LRRIQ3: variants seen among roughly 807,000 people sequenced by gnomAD.
The protein encoded by LRRIQ3 is leucine rich repeats and IQ motif containing 3, also known as leucine-rich repeat and IQ domain-containing protein 3.
Under a neutral mutation model 59.3 loss-of-function variants are expected in LRRIQ3, and 75 were observed. The observed-to-expected ratio is 1.26, with a 90% CI of 1.05 to 1.53. LRRIQ3 has a LOEUF of 1.53. LRRIQ3 is among the 40% of genes most tolerant of loss of function. LRRIQ3 has a pLI of 0.00. For missense variants in LRRIQ3, 831 were observed against 710.0 expected (o/e 1.17, Z -1.94); for synonymous variants, 250 against 231.3 (o/e 1.08, Z -0.73).
chr1:74,042,289 C>G (rs1342190894), intron 6 of LRRIQ3, among the ~76,000 whole-genome samples: 2 of 151,896 alleles, frequency 1.3e-5, no homozygotes, highest in African/African-American at 4.8e-5. Context: ...TTTAATTAAG[C>G]AAAGAATAAT....
chr1:74,084,636 C>T (rs1418388335), intron 5 of LRRIQ3, among the ~76,000 whole-genome samples: 1 of 151,488 alleles, frequency 6.6e-6, no homozygotes, highest in Non-Finnish European at 1.5e-5. Flanking sequence ...GTAGTATTAT[C>T]AAGATAATAC....
chr1:74,155,083 A>G (rs1648240389), intron 4 of LRRIQ3, among the ~76,000 whole-genome samples: 2 of 152,208 alleles, frequency 1.3e-5, no homozygotes, highest in Admixed American at 1.3e-4. Context: ...CTGTTTTCTT[A>G]TTCCAGATCT....
intron 1 of LRRIQ3, among the ~76,000 whole-genome samples, chr1:74,197,180 A>C (rs959748182): frequency 6.6e-6 from 1 of 152,226 alleles, no homozygotes; most frequent in African/African-American, 2.4e-5. Context: ...ACACGATTGT[A>C]TAACAAGTCT....
At chr1:74,122,859 C>A (rs1330790890) in intron 4 of LRRIQ3, among the ~76,000 whole-genome samples, 1 of 152,114 alleles carries the variant, frequency 6.6e-6, no homozygotes, top group Non-Finnish European at 1.5e-5. Flanking sequence ...AGCTTCTGCA[C>A]AGCAAAAGAA....
intron 6 of LRRIQ3, among the ~76,000 whole-genome samples, chr1:74,049,191 A>G (rs1654289717): frequency 6.6e-6 from 1 of 152,166 alleles, no homozygotes; most frequent in Non-Finnish European, 1.5e-5. Context: ...GAAATCCACT[A>G]AGTAAGAGGA....
At chr1:74,195,389 G>T (rs1039360787) in intron 1 of LRRIQ3, among the ~76,000 whole-genome samples, 2 of 151,978 alleles carry the variant, frequency 1.3e-5, no homozygotes, top group Non-Finnish European at 2.9e-5. Context: ...TATAAAGAAG[G>T]GGGGAAAATT....
chr1:74,134,907 A>G (rs1421590655), intron 4 of LRRIQ3, among the ~76,000 whole-genome samples: 1 of 151,984 alleles, frequency 6.6e-6, no homozygotes, highest in Non-Finnish European at 1.5e-5. Context: ...ATAAATAATA[A>G]TTTTAAATGA....
chr1:74,180,855 C>T, intron 3 of LRRIQ3: 1 of 1,490,150 alleles, frequency 6.7e-7, no homozygotes, highest in South Asian at 1.3e-5. Flanking sequence ...CCCCATCCAC[C>T]CTAGCTAATG....
At chr1:74,192,171 C>A (rs1650808808) in intron 1 of LRRIQ3, among the ~76,000 whole-genome samples, 1 of 152,016 alleles carries the variant, frequency 6.6e-6, no homozygotes, top group Admixed American at 6.6e-5. Context: ...TTACTTTTAC[C>A]ATGCAATAAT....
rs1653529045 is a variant in LRRIQ3 at position 74,026,832 on chromosome 1, G to A, written c.1856C>T (p.Pro619Leu). The A allele has an allele frequency of 6.2e-7, 1 of 1,606,396 alleles. No homozygotes were observed. Among genetic ancestry groups the A allele is most frequent in the South Asian group, 1.1e-5 (1 of 89,836 alleles). ...IVKTNLDFKV[P>L]NGLIK ...ATTGATTCATTTTATCAGTCCATTG[G>A]GAACTTTAAAGTCTAAATTTGTTTT... The change falls in exon 8 of 8, where the codon CCC becomes CTC. Residue 619 changes from proline to leucine, a missense_variant. Transcript: ENST00000354431.
At chr1:74,064,148 T>C (rs918352950) in intron 6 of LRRIQ3, among the ~76,000 whole-genome samples, 2 of 151,858 alleles carry the variant, frequency 1.3e-5, no homozygotes, top group African/African-American at 4.8e-5. Flanking sequence ...GTAAAAATAT[T>C]TTTGTAATTA....
chr1:74,198,000 T>G lies in LRRIQ3; in HGVS notation c.-5A>C. ...CACCCAAACTGAACCACTCACCGGG[T>G]CAACTGGGCTGCAAGCCCTTATGAG... On this transcript the variant is annotated 5_prime_UTR_variant, in exon 1 of 8. Coordinates refer to ENST00000354431, the MANE Select transcript of LRRIQ3 (RefSeq NM_001105659.2). 1 of 534,306 alleles carries G rather than the reference T, an allele frequency of 1.9e-6. No homozygotes were observed. The highest frequency in any genetic ancestry group is 3.2e-6 in the Non-Finnish European group (1 of 314,912). 33.1% of individuals were successfully genotyped at this position (534,306 alleles called of 1,614,324 possible). A position where few individuals can be genotyped will look rare whatever the true frequency, so the allele number is the denominator to read the frequency against.
intron 5 of LRRIQ3, among the ~76,000 whole-genome samples, chr1:74,102,806 T>C (rs987770879): frequency 5.3e-5 from 8 of 152,138 alleles, no homozygotes; most frequent in African/African-American, 1.9e-4. Context: ...CCTCAGATTA[T>C]GTATTAATCT....
At chr1:74,086,003 T>C (rs916300714) in intron 5 of LRRIQ3, among the ~76,000 whole-genome samples, 1 of 152,042 alleles carries the variant, frequency 6.6e-6, no homozygotes, top group African/African-American at 2.4e-5. Context: ...TCTCCATCCT[T>C]CGGAGCTACT....
At chr1:74,133,018 G>GAA (rs1416570188) in intron 4 of LRRIQ3, among the ~76,000 whole-genome samples, 1 of 151,886 alleles carries the variant, frequency 6.6e-6, no homozygotes, top group African/African-American at 2.4e-5. Flanking sequence ...AAATTTACAA[G>GAA]AAAAAAACAA....
intron 6 of LRRIQ3, among the ~76,000 whole-genome samples, chr1:74,052,342 T>C (rs1654395661): frequency 6.6e-6 from 1 of 152,064 alleles, no homozygotes; most frequent in Non-Finnish European, 1.5e-5. Flanking sequence ...AAATGCCACA[T>C]CCTATCATTT....
At chr1:74,160,547 C>A (rs1422077243) in intron 3 of LRRIQ3, among the ~76,000 whole-genome samples, 2 of 151,992 alleles carry the variant, frequency 1.3e-5, no homozygotes, top group Non-Finnish European at 2.9e-5. Flanking sequence ...CTTTAATTTT[C>A]TCTACCGTAA....
intron 7 of LRRIQ3, among the ~76,000 whole-genome samples, chr1:74,028,219 A>G (rs1021098622): frequency 2.6e-5 from 4 of 152,034 alleles, no homozygotes; most frequent in Admixed American, 6.6e-5. Flanking sequence ...AGATCATAAA[A>G]TACTTTATTT....
At chr1:74,060,930 G>T (rs532713908) in intron 6 of LRRIQ3, among the ~76,000 whole-genome samples, 1 of 152,194 alleles carries the variant, frequency 6.6e-6, no homozygotes, top group Non-Finnish European at 1.5e-5. Flanking sequence ...GAAGGAGTGA[G>T]TTTAGCAGGC....
Sources: gnomAD v4.1 joint callset for allele counts (sites outside exome capture counted in the v4.1 genomes callset) on GRCh38, gnomAD v4.1.1 for gene constraint, MANE v1.5 for transcripts, NCBI Gene and HGNC (gene_info 2026-07-23, HGNC 2026-07-21) for gene names.